The following KANSL1L variants were observed in gnomAD, a reference collection of about 807,000 sequenced individuals.
The protein encoded by KANSL1L is KAT8 regulatory NSL complex subunit 1 like, also known as KAT8 regulatory NSL complex subunit 1-like protein.
A neutral mutation model predicts 108.6 loss-of-function variants in KANSL1L; 25 were observed. That is an observed-to-expected ratio of 0.23 (90% CI 0.17 to 0.32). The LOEUF is 0.32. Among genes scored for constraint, KANSL1L ranks in the 10% least tolerant of loss-of-function variants. The pLI is 1.00. For synonymous variants in KANSL1L, 405 were observed against 395.1 expected, an observed-to-expected ratio of 1.03 and a Z score of -0.30; for missense variants, 1,137 against 1,125.7, an observed-to-expected ratio of 1.01 and a Z score of -0.14.
chr2:210,053,139 A>T (rs1161734275), intron 6 of KANSL1L, among the ~76,000 whole-genome samples: 2 of 152,228 alleles, frequency 1.3e-5, no homozygotes, highest in African/African-American at 4.8e-5. Context: ...CAATGTGTAT[A>T]ATGCTTTTAT....
rs1308838966 is a variant in KANSL1L, at chr2:210,154,384, G to A, written c.199C>T (p.His67Tyr). The change falls in exon 2 of 15, where the codon CAT becomes TAT. Residue 67 changes from histidine to tyrosine, a missense_variant. Physicochemically the swap from His to Tyr is moderately conservative, Grantham distance 83 (BLOSUM62 2). Coordinates refer to ENST00000281772, the MANE Select transcript of KANSL1L (RefSeq NM_152519.4). ...TTTGAAGACTGAGGGGAGCCAAAATGTTTTAAATTCACAAAATTAGTATTA... is the reference window on the plus strand; with the variant it reads ...TTTGAAGACTGAGGGGAGCCAAAATATTTTAAATTCACAAAATTAGTATTA... ...TLNTNFVNLK[H>Y]FGSPQSSKHY... is the part of the protein sequence containing the mutation. 1.2e-6 allele frequency: 2 copies of A among 1,610,204 alleles called. No homozygotes were observed. Among genetic ancestry groups the A allele is most frequent in the Admixed American group, 1.7e-5 (1 of 59,404 alleles).
intron 3 of KANSL1L, 55 bp from the exon 4 acceptor site, chr2:210,104,356 C>T (rs953009492): frequency 8.0e-7 from 1 of 1,247,146 alleles, no homozygotes; most frequent in Non-Finnish European, 1.2e-6. Context: ...TATTAAGCCA[C>T]CTTTAATGCT....
chr2:210,067,716 C>CAAAAAAAAAAAAAAAAAA (rs569072484), intron 6 of KANSL1L, among the ~76,000 whole-genome samples: 1 of 92,924 alleles, frequency 1.1e-5, no homozygotes, highest in African/African-American at 4.6e-5. Context: ...ACCCTGTCTC[C>CAAAAAAAAAAAAAAAAAA]AAAAAAAAAA....
rs367969778 is a variant in KANSL1L at position 210,126,761 on chromosome 2, T to C, written c.1230+2270A>G. 1.3e-4 allele frequency among the ~76,000 whole-genome samples: 20 copies of C among 152,346 alleles called. 1 individual carries two copies. Among genetic ancestry groups the C allele is most frequent in the African/African-American group, 4.8e-4 (20 of 41,580 alleles). ...TGAGCCTGGAAGGTGGAGGTTGCAG[T>C]GAGCTGATATCGTGCCATTGCACTC... On this transcript the variant is annotated intron_variant, in intron 3 of 14. Coordinates refer to ENST00000281772, the MANE Select transcript of KANSL1L (RefSeq NM_152519.4).
At chr2:210,143,326 T>A (rs1310709351) in intron 2 of KANSL1L, among the ~76,000 whole-genome samples, 1 of 152,154 alleles carries the variant, frequency 6.6e-6, no homozygotes, top group African/African-American at 2.4e-5. Context: ...TTAGTCTGTG[T>A]GTGTCCTTAT....
At chr2:210,078,410 C>A (rs1020604575) in intron 5 of KANSL1L, among the ~76,000 whole-genome samples, 18 of 152,076 alleles carry the variant, frequency 1.2e-4, no homozygotes, top group Admixed American at 3.3e-4. Flanking sequence ...TCTTATGTTC[C>A]CATCTGCAGG....
chr2:210,154,070 A>C lies in KANSL1L; in HGVS notation c.513T>G (p.Cys171Trp), dbSNP rs1169414076. Residue 171 changes from cysteine to tryptophan, a missense_variant, in exon 2 of 15, where the codon TGT becomes TGG. Physicochemically the swap from Cys to Trp is radical, Grantham distance 215 (BLOSUM62 -2). Transcript: ENST00000281772. ...AAAGTGCATTCTCTTGATACCATTT[A>C]CAGTTTTGTAGTTGTACTTTATCTA... ...TNVDKVQLQN[C>W]KWYQENALLD... The C allele has an allele frequency of 6.2e-7, 1 of 1,613,386 alleles. No individual in the cohort carries two copies. The highest frequency in any genetic ancestry group is 1.7e-5 in the Admixed American group (1 of 59,976).
intron 1 of KANSL1L, among the ~76,000 whole-genome samples, chr2:210,166,838 G>C (rs1334893293): frequency 6.6e-6 from 1 of 152,034 alleles, no homozygotes; most frequent in South Asian, 2.1e-4. Context: ...TTCCACACTT[G>C]TGACCTAAAT....
intron 3 of KANSL1L, among the ~76,000 whole-genome samples, chr2:210,112,239 TGG>T (rs2094913436): frequency 1.3e-5 from 2 of 152,116 alleles, no homozygotes; most frequent in Admixed American, 1.3e-4. Context: ...AAAACAGCAA[TGG>T]GGAAAGGATT....
At chr2:210,070,008 T>C (rs776778134) in intron 6 of KANSL1L, among the ~76,000 whole-genome samples, 27 of 150,924 alleles carry the variant, frequency 1.8e-4, no homozygotes, top group Non-Finnish European at 3.1e-4. Context: ...TTTGTATTTT[T>C]AGTAGAGACA....
At chr2:210,109,529 C>T (rs539107122) in intron 3 of KANSL1L, among the ~76,000 whole-genome samples, 1 of 152,230 alleles carries the variant, frequency 6.6e-6, no homozygotes, top group East Asian at 1.9e-4. Flanking sequence ...CATAAGAACT[C>T]ATTTGTATCG....
chr2:210,123,356 G>T (rs2095038552), intron 3 of KANSL1L, among the ~76,000 whole-genome samples: 1 of 152,092 alleles, frequency 6.6e-6, no homozygotes, highest in African/African-American at 2.4e-5. Flanking sequence ...TGATAAAAAA[G>T]ACTGAGATCC....
intron 5 of KANSL1L, among the ~76,000 whole-genome samples, chr2:210,083,726 G>C (rs2094610039): frequency 1.3e-5 from 2 of 151,496 alleles, no homozygotes; most frequent in South Asian, 4.2e-4. Flanking sequence ...CTACTTGGGA[G>C]GCTGAGGCAG....
chr2:210,096,720 A>G (rs935010403), intron 5 of KANSL1L: 7 of 956,376 alleles, frequency 7.3e-6, no homozygotes, highest in African/African-American at 5.3e-5. Flanking sequence ...TAGTTATCCT[A>G]TACAATATGT....
chr2:210,130,482 T>C (rs978913095), intron 2 of KANSL1L, among the ~76,000 whole-genome samples: 2 of 152,186 alleles, frequency 1.3e-5, no homozygotes, highest in African/African-American at 4.8e-5. Flanking sequence ...AATTTATTCA[T>C]TATAACAGGA....
intron 6 of KANSL1L, chr2:210,063,646 C>A (rs2094440906): frequency 6.6e-6 from 1 of 152,084 alleles, no homozygotes; most frequent in South Asian, 2.1e-4. Context: ...GACTGCCCTG[C>A]TGGATTTTGG....
At chr2:210,146,487 A>G (rs1244482998) in intron 2 of KANSL1L, among the ~76,000 whole-genome samples, 2 of 152,198 alleles carry the variant, frequency 1.3e-5, no homozygotes, top group African/African-American at 4.8e-5. Context: ...AAAGGGCTTT[A>G]CTATTCTGGT....
chr2:210,035,986 G>T (rs2094097473), intron 8 of KANSL1L, among the ~76,000 whole-genome samples: 2 of 152,120 alleles, frequency 1.3e-5, no homozygotes, highest in Non-Finnish European at 2.9e-5. Context: ...GAAGTAACTT[G>T]CTTACATTTT....
chr2:210,050,443 T>C (rs1461967962), intron 6 of KANSL1L, among the ~76,000 whole-genome samples: 1 of 151,978 alleles, frequency 6.6e-6, no homozygotes, highest in East Asian at 1.9e-4. Context: ...TATAAAGTAA[T>C]AGGTAAAAGC....
Sources: gnomAD v4.1 joint callset for allele counts (sites outside exome capture counted in the v4.1 genomes callset) on GRCh38, gnomAD v4.1.1 for gene constraint, MANE v1.5 for transcripts, NCBI Gene and HGNC (gene_info 2026-07-23, HGNC 2026-07-21) for gene names.